The following AKR1D1 variants were observed in gnomAD, a reference collection of about 807,000 sequenced individuals.
The protein encoded by AKR1D1 is aldo-keto reductase family 1 member D1.
A neutral mutation model predicts 42.6 loss-of-function variants in AKR1D1; 32 were observed. The observed-to-expected ratio is 0.75, with a 90% CI of 0.57 to 1.01. AKR1D1 has a LOEUF of 1.01. Among genes scored for constraint, AKR1D1 ranks in the 50% least tolerant of loss-of-function variants. AKR1D1 has a pLI of 0.00. For missense variants in AKR1D1, 364 were observed against 402.2 expected, an observed-to-expected ratio of 0.91 and a Z score of 0.81; for synonymous variants, 123 against 135.5, an observed-to-expected ratio of 0.91 and a Z score of 0.64.
Position 138,076,659 on chromosome 7 carries a change from A to G in AKR1D1, c.93+48A>G, listed in dbSNP as rs377690951. ...TGCTTGCTTGTTTGTTTCTTTTAACATTTGCCTATAGCATAATCTGCAATT... is the reference window on the plus strand; with the variant it reads ...TGCTTGCTTGTTTGTTTCTTTTAACGTTTGCCTATAGCATAATCTGCAATT... On this transcript the variant is annotated intron_variant, in intron 1 of 8. Coordinates refer to ENST00000242375, the MANE Select transcript of AKR1D1 (RefSeq NM_005989.4). The G allele has an allele frequency of 9.1e-5, 135 of 1,478,916 alleles. No individual in the cohort carries two copies. The African/African-American group carries it at 1.2e-3, about 13-fold the overall frequency. The allele number at this position is 1,478,916 out of a possible 1,614,324, so 91.6% of individuals were successfully genotyped here.
rs768190295 is a variant in AKR1D1, at chr7:138,106,622, G to A, written c.594G>A (p.Pro198=). The A allele has an allele frequency of 4.8e-5, 78 of 1,613,902 alleles. No individual in the cohort carries two copies. Among genetic ancestry groups the A allele is most frequent in the South Asian group, 1.5e-4 (14 of 91,074 alleles). The change falls in exon 6 of 9, where the codon CCG becomes CCA. Residue 198 remains proline, a synonymous_variant. Transcript: ENST00000242375. The part of the protein sequence containing the change: ...KPVSNQVECH[P]YFTQPKLLKF... ...CAACCACATAGGTTGAGTGCCATCCGTATTTCACCCAGCCAAAACTCTTGA... is the reference window on the plus strand; with the variant it reads ...CAACCACATAGGTTGAGTGCCATCCATATTTCACCCAGCCAAAACTCTTGA...
intron 3 of AKR1D1, among the ~76,000 whole-genome samples, chr7:138,093,962 GC>G (rs1794136490): frequency 6.6e-6 from 1 of 152,130 alleles, no homozygotes; most frequent in Admixed American, 6.5e-5. Flanking sequence ...ATGTCATTAT[GC>G]AGCACATGAC....
intron 7 of AKR1D1, among the ~76,000 whole-genome samples, chr7:138,107,848 A>AT (rs560544027): frequency 7.4e-5 from 11 of 149,598 alleles, no homozygotes; most frequent in Admixed American, 1.3e-4. Context: ...TTTGTTTTAA[A>AT]TTTTTTTTTT....
At chr7:138,096,379 A>G (rs763951340) in intron 3 of AKR1D1, among the ~76,000 whole-genome samples, 15 of 152,174 alleles carry the variant, frequency 9.9e-5, no homozygotes, top group Non-Finnish European at 1.9e-4. Context: ...ACCTCACTAG[A>G]GCCTTCTTGC....
chr7:138,092,267 T>A, intron 3 of AKR1D1, among the ~76,000 whole-genome samples: 1 of 152,214 alleles, frequency 6.6e-6, no homozygotes, highest in Non-Finnish European at 1.5e-5. Context: ...CAAACCAACA[T>A]GTAGTCCTCT....
At chr7:138,103,532 G>T (rs1326707132) in intron 4 of AKR1D1, among the ~76,000 whole-genome samples, 1 of 151,964 alleles carries the variant, frequency 6.6e-6, no homozygotes, top group Admixed American at 6.6e-5. Flanking sequence ...ATGTATGGTT[G>T]CAATAAATGT....
intron 4 of AKR1D1, among the ~76,000 whole-genome samples, chr7:138,103,098 A>C (rs1487536638): frequency 6.6e-6 from 1 of 152,206 alleles, no homozygotes; most frequent in East Asian, 1.9e-4. Flanking sequence ...CCAAACTAGA[A>C]GGCAAAAATA....
rs1794675895 is a variant in AKR1D1 at position 138,118,062 on chromosome 7, A to G, written c.*1400A>G. ...AAAGAAATATATTTTATTCATTCAC[A>G]TTAGGTCACTGTCATACTGTCATAG... On this transcript the variant is annotated 3_prime_UTR_variant, in exon 9 of 9. Transcript: ENST00000242375. 1 of 152,208 alleles carries G rather than the reference A, an allele frequency of 6.6e-6. No individual in the cohort carries two copies. Among genetic ancestry groups the G allele is most frequent in the Admixed American group, 6.5e-5 (1 of 15,274 alleles). The allele number at this position is 152,208 out of a possible 1,614,324, so 9.4% of individuals were successfully genotyped here. A position where few individuals can be genotyped will look rare whatever the true frequency, so the allele number is the denominator to read the frequency against.
In AKR1D1 at chr7:138,100,088, C is replaced by CAAAAAAAAA. The variant is rs59361346; in HGVS notation, c.456+2167_456+2175dup. On this transcript the variant is annotated intron_variant, in intron 4 of 8. Coordinates refer to ENST00000242375, the MANE Select transcript of AKR1D1 (RefSeq NM_005989.4). ...TGGGCAATATAGCGAGATTTCATCT[C>CAAAAAAAAA]AAAAAAAAAAAAAAAAAAAAAAAAA... Among the ~76,000 whole-genome samples the CAAAAAAAAA allele has an allele frequency of 9.2e-4, 40 of 43,566 alleles. 1 individual carries two copies. The highest frequency in any genetic ancestry group is 2.0e-3 in the East Asian group (2 of 996). The allele number at this position is 43,566 out of a possible 152,430, so 28.6% of individuals were successfully genotyped here.
rs184940684 is a variant in AKR1D1 at position 138,077,876 on chromosome 7, G to A, written c.93+1265G>A. Among the ~76,000 whole-genome samples, 11 of 152,322 alleles carry A rather than the reference G, an allele frequency of 7.2e-5. No homozygotes were observed. The East Asian group carries it at 1.7e-3, about 24-fold the overall frequency. ...CCAAGCCCATAGTGCCTGGCACAGG[G>A]AGTTAATGGTGATGGCAGCTGAATC... is the stretch of plus-strand genomic sequence containing the variant. On this transcript the variant is annotated intron_variant, in intron 1 of 8. Transcript: ENST00000242375.
chr7:138,104,010 G>A (rs1585736744), intron 4 of AKR1D1, among the ~76,000 whole-genome samples: 1 of 152,168 alleles, frequency 6.6e-6, no homozygotes, highest in East Asian at 1.9e-4. Context: ...TGTGGTTGCA[G>A]ATGCTTGTAG....
At chr7:138,105,212 C>A in intron 4 of AKR1D1, 95 bp from the exon 5 acceptor site, 1 of 1,569,052 alleles carries the variant, frequency 6.4e-7, no homozygotes, top group Non-Finnish European at 8.8e-7. Flanking sequence ...TACCCAGGAA[C>A]TTTCCTTTTT....
rs143946931 is a variant in AKR1D1, at chr7:138,117,967, C to A, written c.*1305C>A. 0.018 allele frequency: 2,696 copies of A among 152,034 alleles called. 47 individuals are homozygous for A. Among genetic ancestry groups the A allele is most frequent in the Non-Finnish European group, 0.027 (1,828 of 67,994 alleles). The allele number at this position is 152,034 out of a possible 1,614,324, so 9.4% of individuals were successfully genotyped here. ...CCGGGAGGAGGAGCTTGCAGTGAGC[C>A]GAGATAGCGCCACTGCAGTCCGGCC... On this transcript the variant is annotated 3_prime_UTR_variant, in exon 9 of 9. Transcript: ENST00000242375.
At position 138,116,714 on chromosome 7, in the gene AKR1D1, G is replaced by A. The variant is rs147259015; in HGVS notation, c.*52G>A. ...TCACTCCCACGAGTGCCAAGACGGT[G>A]CAATGGGTAGTCCCCTAGATGTGAA... is the stretch of plus-strand genomic sequence containing the variant. On this transcript the variant is annotated 3_prime_UTR_variant, in exon 9 of 9. Coordinates refer to ENST00000242375, the MANE Select transcript of AKR1D1 (RefSeq NM_005989.4). 8.0e-3 allele frequency: 12,008 copies of A among 1,493,240 alleles called. 76 individuals are homozygous for A. Among genetic ancestry groups the A allele is most frequent in the Middle Eastern group, 0.02 (119 of 5,878 alleles). 92.5% of individuals were successfully genotyped at this position (1,493,240 alleles called of 1,614,324 possible). A position where few individuals can be genotyped will look rare whatever the true frequency, so the allele number is the denominator to read the frequency against.
chr7:138,109,614 G>C (rs1437150442), intron 7 of AKR1D1, among the ~76,000 whole-genome samples: 1 of 152,148 alleles, frequency 6.6e-6, no homozygotes, highest in African/African-American at 2.4e-5. Flanking sequence ...CCACTAGAAG[G>C]GGGAAGGAAA....
chr7:138,091,156 A>G (rs1461499232), intron 2 of AKR1D1: 1 of 155,580 alleles, frequency 6.4e-6, no homozygotes, highest in Non-Finnish European at 1.4e-5. Context: ...GAAGACTGCC[A>G]TCAAATTAGG....
At position 138,118,123 on chromosome 7, in the gene AKR1D1, G is replaced by A. The variant is rs530396580; in HGVS notation, c.*1461G>A. ...TTCTTCAAAAATTATGTTTTCCCAA[G>A]ATCAGTTGCTTATAGATAATGTTCA... On this transcript the variant is annotated 3_prime_UTR_variant, in exon 9 of 9. Coordinates refer to ENST00000242375, the MANE Select transcript of AKR1D1 (RefSeq NM_005989.4). The A allele has an allele frequency of 2.0e-5, 3 of 152,270 alleles. No individual in the cohort carries two copies. The highest frequency in any genetic ancestry group is 7.2e-5 in the African/African-American group (3 of 41,554). 9.4% of individuals were successfully genotyped at this position (152,270 alleles called of 1,614,324 possible).
rs1585733047 is a variant in AKR1D1 at position 138,099,791 on chromosome 7, C to G, written c.456+1848C>G. Among the ~76,000 whole-genome samples the G allele has an allele frequency of 2.7e-5, 4 of 148,344 alleles. No homozygotes were observed. The South Asian group carries it at 8.5e-4, about 31-fold the overall frequency. ...CTGAGGCTGGAGGATCACTTGAGCA[C>G]AGGAGTTCAAGACCATCCTGGGAAA... On this transcript the variant is annotated intron_variant, in intron 4 of 8. Transcript: ENST00000242375.
chr7:138,091,736 A>G, intron 2 of AKR1D1, 32 bp from the exon 3 acceptor site: 2 of 1,480,908 alleles, frequency 1.4e-6, no homozygotes, highest in South Asian at 1.1e-5. Flanking sequence ...GCGTGTAGAC[A>G]TTAGTTAATT....
Sources: gnomAD v4.1 joint callset for allele counts (sites outside exome capture counted in the v4.1 genomes callset) on GRCh38, gnomAD v4.1.1 for gene constraint, MANE v1.5 for transcripts, NCBI Gene and HGNC (gene_info 2026-07-23, HGNC 2026-07-21) for gene names.